The following CAST variants were observed in gnomAD, a reference collection of about 807,000 sequenced individuals.
The protein encoded by CAST is MIR583 host.
A neutral mutation model predicts 119.6 loss-of-function variants in CAST; 76 were observed. The ratio of observed to expected loss-of-function variants is 0.64; its 90% CI spans 0.53 to 0.77. The LOEUF (loss-of-function observed/expected upper bound fraction) is 0.77. CAST is among the 30% of genes least tolerant of loss of function. The pLI, the probability that CAST is intolerant of heterozygous loss-of-function variation, is 0.00. For synonymous variants in CAST, 319 were observed against 331.6 expected (o/e 0.96, Z 0.41); for missense variants, 953 against 946.5 (o/e 1.01, Z -0.09).
chr5:95,998,972 G>A, the CAST span, among the ~76,000 whole-genome samples: 1 of 151,974 alleles, frequency 6.6e-6, no homozygotes, highest in Non-Finnish European at 1.5e-5. Context: ...TCTCGTTGTG[G>A]TTTTAATTTG....
At chr5:96,722,548 C>A in intron 3 of CAST, 91 bp from the exon 4 acceptor site, 2 of 963,204 alleles carry the variant, frequency 2.1e-6, no homozygotes, top group Non-Finnish European at 3.3e-6. Flanking sequence ...AGGTAAAGGG[C>A]CAAGGGCAGT....
the CAST span, among the ~76,000 whole-genome samples, chr5:96,419,963 T>A: frequency 1.3e-5 from 2 of 151,950 alleles, no homozygotes; most frequent in Admixed American, 1.3e-4. Flanking sequence ...CACTGGATCC[T>A]GGGGCCAGAC....
the CAST span, among the ~76,000 whole-genome samples, chr5:96,136,706 G>GCC: frequency 6.6e-6 from 1 of 152,008 alleles, no homozygotes; most frequent in East Asian, 1.9e-4. Flanking sequence ...TACTACCTGT[G>GCC]TAATTCTAGC....
intron 1 of CAST, among the ~76,000 whole-genome samples, chr5:96,603,658 C>T (rs1257783049): frequency 6.6e-6 from 1 of 151,508 alleles, no homozygotes; most frequent in Non-Finnish European, 1.5e-5. Context: ...AAAGAGTACA[C>T]TGTAAAATAA....
the CAST span, among the ~76,000 whole-genome samples, chr5:96,323,479 G>A: frequency 1.3e-4 from 20 of 152,232 alleles, 1 homozygote; most frequent in South Asian, 1.7e-3. Context: ...TACAAGTATC[G>A]GGAGCTGCAA....
chr5:96,730,770 A>C lies in CAST; in HGVS notation c.550-10A>C, dbSNP rs376744761. On this transcript the variant is annotated splice_polypyrimidine_tract_variant and intron_variant, in intron 8 of 31. Coordinates refer to ENST00000675179, the MANE Select transcript of CAST (RefSeq NM_001750.7). The stretch of plus-strand genomic sequence containing the variant: ...TTAGCTCTGTCAACCTTTTATCCTC[A>C]CTGTCTTAGACTAAACCACAAGACA... 3.4e-5 allele frequency: 54 copies of C among 1,605,736 alleles called. No homozygotes were observed. The highest frequency in any genetic ancestry group is 4.4e-5 in the Non-Finnish European group (52 of 1,172,448).
chr5:96,172,144 GGTT>G, the CAST span, among the ~76,000 whole-genome samples: 1 of 152,226 alleles, frequency 6.6e-6, no homozygotes, highest in Non-Finnish European at 1.5e-5. Flanking sequence ...AGTCAAAGGG[GGTT>G]GTTCTCTGGC....
chr5:96,478,628 T>C, the CAST span, among the ~76,000 whole-genome samples: 7 of 152,234 alleles, frequency 4.6e-5, no homozygotes, highest in Non-Finnish European at 1.0e-4. Flanking sequence ...CTATACACAG[T>C]CTTTAAGAAA....
the CAST span, among the ~76,000 whole-genome samples, chr5:96,061,150 G>T: frequency 6.6e-6 from 1 of 151,976 alleles, no homozygotes; most frequent in Admixed American, 6.6e-5. Flanking sequence ...TTTTGGAGGG[G>T]ACACAAAATT....
intron 1 of CAST, among the ~76,000 whole-genome samples, chr5:96,594,372 A>C (rs896400496): frequency 1.7e-4 from 26 of 152,246 alleles, no homozygotes; most frequent in African/African-American, 6.3e-4. Context: ...GAATGTCAAG[A>C]TGTAAACAGA....
chr5:96,324,992 C>G, the CAST span, among the ~76,000 whole-genome samples: 14 of 152,080 alleles, frequency 9.2e-5, no homozygotes, highest in Admixed American at 3.3e-4. Context: ...ATCACTTGAG[C>G]TCAGGAGTTC....
At chr5:96,746,016 G>T (rs1398444733) in intron 16 of CAST, among the ~76,000 whole-genome samples, 1 of 152,238 alleles carries the variant, frequency 6.6e-6, no homozygotes, top group Non-Finnish European at 1.5e-5. Context: ...CAGTGAGCTA[G>T]ATAAGGGTTA....
chr5:96,420,258 C>A, the CAST span, among the ~76,000 whole-genome samples: 1 of 152,080 alleles, frequency 6.6e-6, no homozygotes, highest in East Asian at 1.9e-4. Context: ...CCAAGGTCAC[C>A]CTTTACTCTG....
chr5:96,214,580 T>C, the CAST span, among the ~76,000 whole-genome samples: 102 of 152,340 alleles, frequency 6.7e-4, 1 homozygote, highest in Non-Finnish European at 1.0e-3. Context: ...GTTAGCTACT[T>C]ACTGTGTTTG....
At chr5:96,425,713 T>G in the CAST span, 2 of 689,772 alleles carry the variant, frequency 2.9e-6, no homozygotes, top group Non-Finnish European at 5.2e-6. Flanking sequence ...TAGCTCCCTA[T>G]GAAATTCTCC....
rs558102101 is a variant in CAST, at chr5:96,601,177, C to T, written c.60+71297C>T. Among the ~76,000 whole-genome samples the T allele has an allele frequency of 2.6e-5, 4 of 152,286 alleles. No individual in the cohort carries two copies. In the East Asian group the frequency reaches 5.8e-4, roughly 22 times the overall value. On this transcript the variant is annotated intron_variant, in intron 1 of 11. Transcript: ENST00000505143. The stretch of plus-strand genomic sequence containing the variant: ...GCTAGGTGCCTCTATGACCATTTAC[C>T]TATTACTTTCCTTATTACCACCCTT...
At chr5:96,363,752 T>C in the CAST span, among the ~76,000 whole-genome samples, 1 of 152,192 alleles carries the variant, frequency 6.6e-6, no homozygotes, top group Non-Finnish European at 1.5e-5. Context: ...CGGTGGGGTT[T>C]TCTAAATATA....
chr5:96,014,260 C>T, the CAST span, among the ~76,000 whole-genome samples: 53 of 151,842 alleles, frequency 3.5e-4, no homozygotes, highest in Admixed American at 7.2e-4. Flanking sequence ...TCTACTTCCA[C>T]ATCTTGTCCC....
intron 1 of CAST, among the ~76,000 whole-genome samples, chr5:96,619,862 A>C (rs1747562129): frequency 6.6e-6 from 1 of 152,230 alleles, no homozygotes; most frequent in African/African-American, 2.4e-5. Context: ...CCTCAGTCTT[A>C]GGCAAGCCAG....
Sources: gnomAD v4.1 joint callset for allele counts (sites outside exome capture counted in the v4.1 genomes callset) on GRCh38, gnomAD v4.1.1 for gene constraint, MANE v1.5 for transcripts, NCBI Gene and HGNC (gene_info 2026-07-23, HGNC 2026-07-21) for gene names.